The following FETUB variants were observed in gnomAD, a reference collection of about 807,000 sequenced individuals.
FETUB encodes fetuin B.
FETUB carries 28 observed loss-of-function variants against 30.9 expected under a neutral mutation model. The observed-to-expected ratio is 0.90, with a 90% CI of 0.67 to 1.24. The LOEUF (loss-of-function observed/expected upper bound fraction) is 1.24, where lower values mean the gene tolerates loss of function less well. Ranked by LOEUF, FETUB falls within the 50% of genes most tolerant of loss-of-function variation. FETUB has a pLI of 0.00. For missense variants in FETUB, 469 were observed against 455.3 expected, an observed-to-expected ratio of 1.03 and a Z score of -0.27; for synonymous variants, 186 against 175.9, an observed-to-expected ratio of 1.06 and a Z score of -0.45.
Position 186,640,622 on chromosome 3 carries a change from A to T in FETUB, c.162A>T (p.Lys54Asn), listed in dbSNP as rs777074847. 2 of 1,614,196 alleles carry T rather than the reference A, an allele frequency of 1.2e-6. No homozygotes were observed. The highest frequency in any genetic ancestry group is 3.3e-5 in the Admixed American group (2 of 60,032). The change falls in exon 1 of 7, where the codon AAA (lysine) becomes AAT (asparagine). Residue 54 changes from lysine to asparagine, a missense_variant. Physicochemically the swap from Lys to Asn is moderately conservative, Grantham distance 94. Transcript: ENST00000265029. ...VAGFALRDINKDRKDGYVLRL... is the reference protein window; with the variant it reads ...VAGFALRDINNDRKDGYVLRL... Reference sequence around the variant, plus strand: ...GCTTTGCCCTGCGGGATATTAACAAAGACAGAAAGGATGGCTATGTGCTGA... The same window carrying T: ...GCTTTGCCCTGCGGGATATTAACAATGACAGAAAGGATGGCTATGTGCTGA...
chr3:186,644,623 G>A (rs1717338327), intron 3 of FETUB, 128 bp from the exon 4 acceptor site: 1 of 666,148 alleles, frequency 1.5e-6, no homozygotes, highest in Admixed American at 3.0e-5. Context: ...AAACACTGCT[G>A]ACAGCTAACT....
chr3:186,640,408 C>G lies in FETUB; in HGVS notation c.-53C>G. On this transcript the variant is annotated 5_prime_UTR_variant, in exon 1 of 7. Transcript: ENST00000265029. Reference sequence around the variant, plus strand: ...TGCCTTAAAGAGCCTTACAAGCCAGCCAGTCCCTGCAGCTCCACAAACTGA... The same window carrying G: ...TGCCTTAAAGAGCCTTACAAGCCAGGCAGTCCCTGCAGCTCCACAAACTGA... 1 of 1,423,568 alleles carries G rather than the reference C, an allele frequency of 7.0e-7. No homozygotes were observed. The highest frequency in any genetic ancestry group is 9.9e-7 in the Non-Finnish European group (1 of 1,008,264). The allele number at this position is 1,423,568 out of a possible 1,614,324, so 88.2% of individuals were successfully genotyped here. A position where few individuals can be genotyped will look rare whatever the true frequency, so the allele number is the denominator to read the frequency against.
intron 6 of FETUB, 117 bp downstream of exon 6, chr3:186,651,418 G>T (rs558860358): frequency 9.0e-5 from 65 of 724,266 alleles, no homozygotes; most frequent in South Asian, 8.6e-4. Flanking sequence ...ACCACTTTGC[G>T]CAGGCTAGCC....
chr3:186,645,682 T>C (rs1029781604), intron 4 of FETUB, among the ~76,000 whole-genome samples: 9 of 139,644 alleles, frequency 6.4e-5, no homozygotes, highest in Non-Finnish European at 1.1e-4. Context: ...TGAGGAAAAA[T>C]AAACAAATCA....
intron 2 of FETUB, chr3:186,641,862 C>T (rs953020504): frequency 6.6e-6 from 1 of 152,326 alleles, no homozygotes; most frequent in African/African-American, 2.4e-5. Flanking sequence ...CTGTACCCAA[C>T]TTGATTTTGA....
Position 186,641,230 on chromosome 3 carries a change from T to C in FETUB, c.336+90T>C, listed in dbSNP as rs913836497. On this transcript the variant is annotated intron_variant, in intron 2 of 6. Transcript: ENST00000265029. Reference sequence around the variant, plus strand: ...CAGGGTCAAGGGTGCTCAATATCTGTCATCTTTTAAATGGCCCACTTTATA... The same window carrying C: ...CAGGGTCAAGGGTGCTCAATATCTGCCATCTTTTAAATGGCCCACTTTATA... 37 of 765,960 alleles carry C rather than the reference T, an allele frequency of 4.8e-5. No individual in the cohort carries two copies. In the African/African-American group the frequency reaches 4.9e-4, roughly 10 times the overall value. 47.4% of individuals were successfully genotyped at this position (765,960 alleles called of 1,614,324 possible).
At chr3:186,639,761 A>C (rs1006541203), upstream of FETUB, among the ~76,000 whole-genome samples, 1 of 152,042 alleles carries the variant, frequency 6.6e-6, no homozygotes, top group Non-Finnish European at 1.5e-5. Context: ...TTAGTCTCTT[A>C]ATGAGCTTGC....
In FETUB at chr3:186,652,594, C is replaced by T; in HGVS notation, c.1112C>T (p.Pro371Leu). Residue 371 changes from proline to leucine, a missense_variant, in exon 7 of 7, where the codon CCA becomes CTA. Coordinates refer to ENST00000265029, the MANE Select transcript of FETUB (RefSeq NM_014375.3). The part of the protein sequence containing the change: ...EKARTAECPG[P>L]AQNASPLVLP... ...GCACGCACTGCTGAGTGCCCAGGGCCAGCCCAGAATGCCAGCCCTCTTGTC... is the reference window on the plus strand; with the variant it reads ...GCACGCACTGCTGAGTGCCCAGGGCTAGCCCAGAATGCCAGCCCTCTTGTC... The T allele has an allele frequency of 1.2e-6, 2 of 1,612,264 alleles. No homozygotes were observed. Among genetic ancestry groups the T allele is most frequent in the East Asian group, 2.2e-5 (1 of 44,878 alleles).
rs1171083382 is a variant in FETUB at position 186,652,421 on chromosome 3, A to C, written c.939A>C (p.Lys313Asn). 1 of 1,613,848 alleles carries C rather than the reference A, an allele frequency of 6.2e-7. No homozygotes were observed. The highest frequency in any genetic ancestry group is 8.5e-7 in the Non-Finnish European group (1 of 1,179,958). Residue 313 changes from lysine (K) to asparagine (N), a missense_variant, in exon 7 of 7, where the codon AAA becomes AAC. Lys to Asn is a moderately conservative substitution (Grantham distance 94, BLOSUM62 0). Transcript: ENST00000265029. ...AATATCTTCCTGACTTGGATGATAA[A>C]AATTCCCAGGAAAAGGGCCCTCAGG... ...SVQYLPDLDD[K>N]NSQEKGPQEA...
intron 5 of FETUB, among the ~76,000 whole-genome samples, chr3:186,647,571 G>A (rs1386954003): frequency 6.6e-6 from 1 of 151,962 alleles, no homozygotes; most frequent in Non-Finnish European, 1.5e-5. Context: ...ATTTTTATTT[G>A]CATTTTCCTA....
rs16860950 is a variant in FETUB, at chr3:186,641,406, C to T, written c.336+266C>T. 1,839 of 344,502 alleles carry T rather than the reference C, an allele frequency of 5.3e-3. 47 individuals are homozygous for T. In the East Asian group the frequency reaches 0.064, roughly 12 times the overall value. 21.3% of individuals were successfully genotyped at this position (344,502 alleles called of 1,614,324 possible). On this transcript the variant is annotated intron_variant, in intron 2 of 6. Transcript: ENST00000265029. ...TTGTGTTTTTACCTCCAAGACCTTC[C>T]GTTAGGCTCTGAACCAGTGTTTCAA...
chr3:186,640,513 C>T lies in FETUB; in HGVS notation c.53C>T (p.Ala18Val). ...ALCILVLCCGAMSPPQLALNP... is the reference protein window; with the variant it reads ...ALCILVLCCGVMSPPQLALNP... ...TGCATCCTAGTCCTGTGCTGCGGAG[C>T]AATGTCTCCACCCCAGCTGGCCCTC... The change falls in exon 1 of 7, where the codon GCA becomes GTA. Residue 18 changes from alanine (A) to valine (V), a missense_variant. Ala to Val is a moderately conservative substitution (Grantham distance 64). Coordinates refer to ENST00000265029, the MANE Select transcript of FETUB (RefSeq NM_014375.3). 1.2e-6 allele frequency: 2 copies of T among 1,614,204 alleles called. No homozygotes were observed. The highest frequency in any genetic ancestry group is 1.7e-6 in the Non-Finnish European group (2 of 1,180,038).
chr3:186,646,451 C>T, intron 5 of FETUB, 102 bp downstream of exon 5: 1 of 850,950 alleles, frequency 1.2e-6, no homozygotes, highest in Non-Finnish European at 1.9e-6. Context: ...GCATGAGATG[C>T]TTTTCTTCCC....
rs764727229 is a variant in FETUB, at chr3:186,640,560, C to T, written c.100C>T (p.Arg34Trp). 24 of 1,614,058 alleles carry T rather than the reference C, an allele frequency of 1.5e-5. No homozygotes were observed. The highest frequency in any genetic ancestry group is 2.2e-5 in the East Asian group (1 of 44,898). Reference protein sequence around the residue: ...LALNPSALLSRGCNDSDVLAV... With the variant: ...LALNPSALLSWGCNDSDVLAV... The stretch of plus-strand genomic sequence containing the variant: ...CCTCAACCCCTCGGCTCTGCTCTCC[C>T]GGGGCTGCAATGACTCAGATGTGCT... The change falls in exon 1 of 7, where the codon CGG (arginine) becomes TGG (tryptophan). Residue 34 changes from arginine (R) to tryptophan (W), a missense_variant. Arg to Trp is a moderately radical substitution (Grantham distance 101). Coordinates refer to ENST00000265029, the MANE Select transcript of FETUB (RefSeq NM_014375.3).
At chr3:186,636,112 G>A (rs1436369565), upstream of FETUB, 3 of 152,224 alleles carry the variant, frequency 2.0e-5, no homozygotes, top group East Asian at 1.9e-4. Context: ...ACAACTCTGG[G>A]TCCTCAGGAA....
chr3:186,647,838 TTGA>T (rs1407409426), intron 5 of FETUB, among the ~76,000 whole-genome samples: 2 of 152,158 alleles, frequency 1.3e-5, no homozygotes, highest in African/African-American at 4.8e-5. Context: ...GTTTTAAATT[TTGA>T]TGAAGTTCTA....
At chr3:186,650,564 T>C (rs370458608) in intron 5 of FETUB, among the ~76,000 whole-genome samples, 1 of 152,110 alleles carries the variant, frequency 6.6e-6, no homozygotes, top group East Asian at 1.9e-4. Context: ...GTTTTTACAA[T>C]ATATTGTTAA....
chr3:186,645,721 CTTTTTTTTTT>C (rs35992832), intron 4 of FETUB, among the ~76,000 whole-genome samples: 5 of 79,604 alleles, frequency 6.3e-5, no homozygotes, highest in African/African-American at 2.7e-4. Context: ...CCATTCAAAT[CTTTTTTTTTT>C]TTTTTTTTTT....
At chr3:186,652,240 A>T in intron 6 of FETUB, 23 bp from the exon 7 acceptor site, 1 of 1,530,558 alleles carries the variant, frequency 6.5e-7, no homozygotes, top group Non-Finnish European at 8.7e-7. Flanking sequence ...GGAACTCTAC[A>T]TTCAAAAATG....
Sources: gnomAD v4.1 joint callset for allele counts (sites outside exome capture counted in the v4.1 genomes callset) on GRCh38, gnomAD v4.1.1 for gene constraint, MANE v1.5 for transcripts, NCBI Gene and HGNC (gene_info 2026-07-23, HGNC 2026-07-21) for gene names.